Variants in TNFRSF19 observed in about 807,000 individuals in gnomAD.
TNFRSF19 encodes the protein tumor necrosis factor receptor superfamily member 19.
A neutral mutation model predicts 46.4 loss-of-function variants in TNFRSF19; 27 were observed. The observed-to-expected ratio is 0.58, with a 90% CI of 0.43 to 0.80. The LOEUF (loss-of-function observed/expected upper bound fraction) is 0.80. Ranked by LOEUF, TNFRSF19 falls within the 30% of genes least tolerant of loss-of-function variation. The pLI is 0.00. For missense variants in TNFRSF19, 511 were observed against 530.8 expected, an observed-to-expected ratio of 0.96 and a Z score of 0.37; for synonymous variants, 204 against 205.0, an observed-to-expected ratio of 1.00 and a Z score of 0.04.
At chr13:23,633,669 C>T (rs1194896325) in intron 5 of TNFRSF19, among the ~76,000 whole-genome samples, 5 of 151,952 alleles carry the variant, frequency 3.3e-5, no homozygotes, top group African/African-American at 7.2e-5. Flanking sequence ...GCCGACATGA[C>T]GAAACCCTGT....
chr13:23,668,843 G>A lies in TNFRSF19; in HGVS notation c.991G>A (p.Gly331Arg). The A allele has an allele frequency of 6.2e-7, 1 of 1,614,228 alleles. No homozygotes were observed. The highest frequency in any genetic ancestry group is 8.5e-7 in the Non-Finnish European group (1 of 1,180,044). ...TTGTGACTCTTATCCTGAACTCACT[G>A]GAGAAGACATTCATTCTCTCAATCC... ...SFCDSYPELTGEDIHSLNPEL... is the reference protein window; with the variant it reads ...SFCDSYPELTREDIHSLNPEL... The change falls in exon 9 of 10, where the codon GGA becomes AGA. Residue 331 changes from glycine (G) to arginine (R), a missense_variant. This residue lies in a region of TNFRSF19 where 376 missense variants were observed against 372.7 expected (regional missense o/e 1.01). Coordinates refer to ENST00000248484, the MANE Select transcript of TNFRSF19 (RefSeq NM_148957.4).
intron 1 of TNFRSF19, among the ~76,000 whole-genome samples, chr13:23,584,529 TAA>T (rs1447756725): frequency 2.0e-5 from 3 of 151,844 alleles, no homozygotes; most frequent in East Asian, 1.9e-4. Context: ...TGTGCTGCTA[TAA>T]AAATGTGTGT....
intron 5 of TNFRSF19, among the ~76,000 whole-genome samples, chr13:23,629,086 CTTT>C (rs11389906): frequency 2.1e-5 from 3 of 142,508 alleles, no homozygotes; most frequent in East Asian, 4.1e-4. Flanking sequence ...CCACTTTGGG[CTTT>C]TTTTTTTTTT....
rs990316467 is a variant in TNFRSF19, at chr13:23,660,490, G to A, written c.736G>A (p.Gly246Arg). The change falls in exon 7 of 10, where the codon GGG becomes AGG. Residue 246 changes from glycine (G) to arginine (R), a missense_variant and splice_region_variant. Transcript: ENST00000248484. The stretch of plus-strand genomic sequence containing the variant: ...CCGCCGTGACTCAGTGCAGACCTGC[G>A]GTAAGTTCAGCAGGGAAGTGCCGTT... ...QCRRDSVQTC[G>R]PVRLLPSMCC... 14 of 1,612,038 alleles carry A rather than the reference G, an allele frequency of 8.7e-6. No homozygotes were observed. Among genetic ancestry groups the A allele is most frequent in the South Asian group, 3.3e-5 (3 of 90,806 alleles).
chr13:23,651,893 TAAAAAAAAAA>T (rs34023907), intron 5 of TNFRSF19, among the ~76,000 whole-genome samples: 1 of 9,972 alleles, frequency 1.0e-4, no homozygotes, highest in African/African-American at 3.5e-4. Context: ...CATAACATGC[TAAAAAAAAAA>T]AAAAAAAAAA....
chr13:23,654,704 G>A (rs556146461), intron 5 of TNFRSF19, among the ~76,000 whole-genome samples: 13 of 152,342 alleles, frequency 8.5e-5, no homozygotes, highest in Admixed American at 5.9e-4. Context: ...GTGGAGCAGT[G>A]CGGTCTACTA....
intron 3 of TNFRSF19, among the ~76,000 whole-genome samples, chr13:23,596,401 A>G (rs940233547): frequency 1.3e-5 from 2 of 152,214 alleles, no homozygotes; most frequent in African/African-American, 4.8e-5. Flanking sequence ...GGATGGAGGA[A>G]TATTTACTAA....
chr13:23,610,492 C>T (rs979717889), intron 3 of TNFRSF19, among the ~76,000 whole-genome samples: 1 of 151,892 alleles, frequency 6.6e-6, no homozygotes, highest in South Asian at 2.1e-4. Flanking sequence ...GCTGACCCCA[C>T]TCCACCCAGA....
At chr13:23,616,201 T>C (rs1036794202) in intron 4 of TNFRSF19, among the ~76,000 whole-genome samples, 156 bp downstream of exon 4, 6 of 152,180 alleles carry the variant, frequency 3.9e-5, no homozygotes, top group Non-Finnish European at 1.5e-5. Context: ...ACCACTGGAT[T>C]ATCTGTGGTA....
rs537692329 is a variant in TNFRSF19, at chr13:23,633,651, C to T, written c.445+6859C>T. On this transcript the variant is annotated intron_variant, in intron 5 of 9. Transcript: ENST00000248484. ...ATCACCTGAGGTCAGAAGTTTGAGA[C>T]CAGCCTGGCCGACATGACGAAACCC... 1.1e-4 allele frequency among the ~76,000 whole-genome samples: 16 copies of T among 152,200 alleles called. No homozygotes were observed. In the South Asian group the frequency reaches 3.1e-3, roughly 30 times the overall value.
intron 5 of TNFRSF19, among the ~76,000 whole-genome samples, chr13:23,629,240 C>G (rs1292959289): frequency 6.6e-6 from 1 of 152,172 alleles, no homozygotes; most frequent in African/African-American, 2.4e-5. Context: ...AAGGACATGC[C>G]TGGTAGTGGG....
At chr13:23,626,607 T>G in intron 4 of TNFRSF19, 100 bp from the exon 5 acceptor site, 1 of 1,121,206 alleles carries the variant, frequency 8.9e-7, no homozygotes, top group South Asian at 1.4e-5. Context: ...CTGTGTACTT[T>G]TAACCGTAGA....
intron 1 of TNFRSF19, chr13:23,585,323 T>C (rs1878743871): frequency 6.6e-6 from 1 of 152,220 alleles, no homozygotes; most frequent in African/African-American, 2.4e-5. Flanking sequence ...AAAAAGAGTA[T>C]CCAGATTATT....
At chr13:23,576,160 G>C (rs1277067460) in intron 1 of TNFRSF19, among the ~76,000 whole-genome samples, 1 of 149,302 alleles carries the variant, frequency 6.7e-6, no homozygotes, top group East Asian at 1.9e-4. Context: ...TTGAGACCGA[G>C]TCTTGCTCTG....
At chr13:23,616,639 A>T (rs1338990522) in intron 4 of TNFRSF19, among the ~76,000 whole-genome samples, 1 of 152,100 alleles carries the variant, frequency 6.6e-6, no homozygotes, top group Non-Finnish European at 1.5e-5. Flanking sequence ...CTGGAGTGCA[A>T]TGGCGCAATC....
intron 3 of TNFRSF19, 28 bp downstream of exon 3, chr13:23,593,483 T>G: frequency 6.8e-7 from 1 of 1,464,200 alleles, no homozygotes; most frequent in South Asian, 1.2e-5. Context: ...CAAAGTTGTG[T>G]ATCTGTGTTT....
intron 1 of TNFRSF19, among the ~76,000 whole-genome samples, chr13:23,586,801 C>G (rs1878878309): frequency 6.6e-6 from 1 of 152,098 alleles, no homozygotes; most frequent in African/African-American, 2.4e-5. Flanking sequence ...GGTTTGTGTC[C>G]CTTCTTCTTT....
At chr13:23,586,066 C>G (rs1028953050) in intron 1 of TNFRSF19, among the ~76,000 whole-genome samples, 3 of 151,602 alleles carry the variant, frequency 2.0e-5, no homozygotes, top group Non-Finnish European at 1.5e-5. Context: ...GTCAGGAGAT[C>G]GAGACCACGG....
intron 1 of TNFRSF19, among the ~76,000 whole-genome samples, chr13:23,588,503 A>G (rs1047207520): frequency 2.0e-5 from 3 of 152,166 alleles, no homozygotes; most frequent in African/African-American, 7.2e-5. Context: ...TAATTGCTCG[A>G]ATATGGTATG....
Sources: gnomAD v4.1 joint callset for allele counts (sites outside exome capture counted in the v4.1 genomes callset) on GRCh38, gnomAD v4.1.1 for gene constraint, gnomAD v4.1.1 regional missense constraint, MANE v1.5 for transcripts, NCBI Gene and HGNC (gene_info 2026-07-23, HGNC 2026-07-21) for gene names.